IMMP2L: variants seen among roughly 807,000 people sequenced by gnomAD.
The protein encoded by IMMP2L is mitochondrial inner membrane protease subunit 2.
In IMMP2L, 18 loss-of-function variants were observed where a neutral mutation model predicts 19.3. The ratio of observed to expected loss-of-function variants is 0.93; its 90% CI spans 0.64 to 1.38. The LOEUF (loss-of-function observed/expected upper bound fraction) is 1.38, where lower values mean the gene tolerates loss of function less well. Among genes scored for constraint, IMMP2L ranks in the 40% most tolerant of loss-of-function variants. The pLI is 0.00. For missense variants in IMMP2L, 233 were observed against 218.2 expected, an observed-to-expected ratio of 1.07 and a Z score of -0.43; for synonymous variants, 76 against 73.0, an observed-to-expected ratio of 1.04 and a Z score of -0.21.
intron 3 of IMMP2L, among the ~76,000 whole-genome samples, chr7:111,030,383 T>C (rs1032889529): frequency 6.6e-6 from 1 of 152,198 alleles, no homozygotes; most frequent in African/African-American, 2.4e-5. Flanking sequence ...CCATTTAATG[T>C]GAAAACATAT....
chr7:111,536,547 T>G (rs904130958), intron 1 of IMMP2L, among the ~76,000 whole-genome samples: 1 of 152,116 alleles, frequency 6.6e-6, no homozygotes, highest in African/African-American at 2.4e-5. Context: ...ATTCAAGTGG[T>G]CCACCAGCCT....
chr7:111,128,884 G>A (rs1801576738), intron 3 of IMMP2L, among the ~76,000 whole-genome samples: 1 of 152,032 alleles, frequency 6.6e-6, no homozygotes, highest in Non-Finnish European at 1.5e-5. Context: ...ATGGATACCT[G>A]TTATGTGACC....
intron 3 of IMMP2L, among the ~76,000 whole-genome samples, chr7:111,136,974 T>C (rs573778583): frequency 6.6e-6 from 1 of 152,208 alleles, no homozygotes; most frequent in Admixed American, 6.5e-5. Flanking sequence ...AATTGAAAGG[T>C]TGAAAGGTGG....
intron 3 of IMMP2L, among the ~76,000 whole-genome samples, chr7:111,260,076 G>T (rs543829404): frequency 6.6e-6 from 1 of 152,220 alleles, no homozygotes; most frequent in African/African-American, 2.4e-5. Context: ...AACTTTTGTT[G>T]TTGTTTAAGT....
At chr7:111,110,091 C>G (rs1392758347) in intron 3 of IMMP2L, among the ~76,000 whole-genome samples, 1 of 152,122 alleles carries the variant, frequency 6.6e-6, no homozygotes, top group Admixed American at 6.5e-5. Context: ...GCTGAGATCA[C>G]GCCACTGCAC....
intron 4 of IMMP2L, among the ~76,000 whole-genome samples, chr7:110,912,666 A>G (rs1813186640): frequency 6.6e-6 from 1 of 151,942 alleles, no homozygotes; most frequent in African/African-American, 2.4e-5. Flanking sequence ...AAAATTCAGT[A>G]TTTGGGTTTT....
At chr7:111,221,505 G>A (rs2129620652) in intron 3 of IMMP2L, among the ~76,000 whole-genome samples, 1 of 151,776 alleles carries the variant, frequency 6.6e-6, no homozygotes, top group Non-Finnish European at 1.5e-5. Flanking sequence ...GAAACAGAGA[G>A]AGAGAGAGCA....
intron 4 of IMMP2L, among the ~76,000 whole-genome samples, chr7:110,936,408 C>T (rs1231954065): frequency 1.3e-5 from 2 of 151,974 alleles, no homozygotes; most frequent in Non-Finnish European, 2.9e-5. Flanking sequence ...TAGACACTTG[C>T]CAAAAGAATA....
chr7:110,761,788 G>A (rs1798364973), intron 5 of IMMP2L, among the ~76,000 whole-genome samples: 2 of 152,166 alleles, frequency 1.3e-5, no homozygotes, highest in Non-Finnish European at 2.9e-5. Flanking sequence ...TTGGCAGCTT[G>A]AGCCCTTAAC....
At position 111,164,807 on chromosome 7, in the gene IMMP2L, G is replaced by A. The variant is rs76391174; in HGVS notation, c.240-201242C>T. ...AAGGGACATGCCATTTTGTCATTTTGTTGTGAGCTGATTAAAAAAAATTTT... is the reference window on the plus strand; with the variant it reads ...AAGGGACATGCCATTTTGTCATTTTATTGTGAGCTGATTAAAAAAAATTTT... On this transcript the variant is annotated intron_variant, in intron 3 of 5. Transcript: ENST00000405709. Among the ~76,000 whole-genome samples, 1,249 of 152,070 alleles carry A rather than the reference G, an allele frequency of 8.2e-3. 15 individuals are homozygous for A. Among genetic ancestry groups the A allele is most frequent in the African/African-American group, 0.026 (1,094 of 41,504 alleles).
At chr7:110,744,392 C>T (rs2130883648) in intron 5 of IMMP2L, among the ~76,000 whole-genome samples, 1 of 152,336 alleles carries the variant, frequency 6.6e-6, no homozygotes, top group South Asian at 2.1e-4. Flanking sequence ...AGCGTTTGAG[C>T]TCTGATAAGG....
chr7:111,186,031 T>G (rs750528774), intron 3 of IMMP2L, among the ~76,000 whole-genome samples: 1 of 152,200 alleles, frequency 6.6e-6, no homozygotes, highest in Non-Finnish European at 1.5e-5. Context: ...TTAAATATAT[T>G]ATGAAGAAAC....
At chr7:110,735,879 A>G (rs1796604893) in intron 5 of IMMP2L, among the ~76,000 whole-genome samples, 1 of 148,404 alleles carries the variant, frequency 6.7e-6, no homozygotes, top group Non-Finnish European at 1.5e-5. Context: ...AAGGAATGAA[A>G]TAATGACCCC....
intron 5 of IMMP2L, among the ~76,000 whole-genome samples, chr7:110,713,199 G>C (rs1584580849): frequency 6.6e-6 from 1 of 152,230 alleles, no homozygotes; most frequent in East Asian, 1.9e-4. Context: ...TGTTGGGTTT[G>C]TCAAAGATCA....
intron 3 of IMMP2L, among the ~76,000 whole-genome samples, chr7:111,403,106 A>G (rs955993930): frequency 6.6e-6 from 1 of 150,822 alleles, no homozygotes; most frequent in Non-Finnish European, 1.5e-5. Flanking sequence ...CTGTGTCCCC[A>G]CCCAAATCTC....
chr7:111,163,015 C>T (rs1371592501), intron 3 of IMMP2L, among the ~76,000 whole-genome samples: 2 of 152,074 alleles, frequency 1.3e-5, no homozygotes, highest in Non-Finnish European at 2.9e-5. Flanking sequence ...CCCCTGAACC[C>T]TGCTCTTATA....
At chr7:111,114,762 G>GAAAAAAA (rs555204081) in intron 3 of IMMP2L, among the ~76,000 whole-genome samples, 1 of 145,752 alleles carries the variant, frequency 6.9e-6, no homozygotes, top group Non-Finnish European at 1.5e-5. Flanking sequence ...AAGAAAGAAA[G>GAAAAAAA]AAAAAAAAAG....
At chr7:111,220,442 T>C (rs1255379915) in intron 3 of IMMP2L, among the ~76,000 whole-genome samples, 1 of 152,030 alleles carries the variant, frequency 6.6e-6, no homozygotes, top group African/African-American at 2.4e-5. Context: ...AAAAGCTAGA[T>C]TTAATTGCAG....
chr7:111,194,592 T>A (rs2129613829), intron 3 of IMMP2L, among the ~76,000 whole-genome samples: 1 of 152,218 alleles, frequency 6.6e-6, no homozygotes, highest in South Asian at 2.1e-4. Context: ...CAATCCCCAG[T>A]CCACAACAAG....
Sources: gnomAD v4.1 joint callset for allele counts (sites outside exome capture counted in the v4.1 genomes callset) on GRCh38, gnomAD v4.1.1 for gene constraint, MANE v1.5 for transcripts, NCBI Gene and HGNC (gene_info 2026-07-23, HGNC 2026-07-21) for gene names.